PCSK2: variants seen among roughly 807,000 people sequenced by gnomAD.
PCSK2 encodes the protein neuroendocrine convertase 2.
In PCSK2, 14 loss-of-function variants were observed where a neutral mutation model predicts 69.7. That is an observed-to-expected ratio of 0.20 (90% CI 0.13 to 0.31). The LOEUF is 0.31. Ranked by LOEUF, PCSK2 falls within the 10% of genes least tolerant of loss-of-function variation. The probability of loss-of-function intolerance (pLI) is 1.00; values close to 1 mark genes in which losing one functional copy is unlikely to be tolerated. For synonymous variants in PCSK2, 307 were observed against 320.7 expected (o/e 0.96, Z 0.46); for missense variants, 544 against 842.5 (o/e 0.65, Z 4.39).
chr20:17,327,883 G>A (rs778324644), intron 2 of PCSK2, among the ~76,000 whole-genome samples: 2 of 152,104 alleles, frequency 1.3e-5, no homozygotes, highest in Non-Finnish European at 2.9e-5. Flanking sequence ...ATACAATTCA[G>A]TGCTTCCAAA....
At chr20:17,247,335 C>A (rs1383082016) in intron 1 of PCSK2, among the ~76,000 whole-genome samples, 1 of 152,210 alleles carries the variant, frequency 6.6e-6, no homozygotes, top group Non-Finnish European at 1.5e-5. Context: ...TGGTAAAATT[C>A]AGGTCCCCAA....
intron 6 of PCSK2, among the ~76,000 whole-genome samples, chr20:17,421,329 A>G (rs2032121280): frequency 6.6e-6 from 1 of 152,172 alleles, no homozygotes. Flanking sequence ...AGCTTTGCTC[A>G]TTCTCACCTG....
At chr20:17,451,701 G>T (rs2032825269) in intron 8 of PCSK2, among the ~76,000 whole-genome samples, 1 of 152,156 alleles carries the variant, frequency 6.6e-6, no homozygotes, top group African/African-American at 2.4e-5. Context: ...TAGTGCACAG[G>T]GCATAAATAC....
rs2031512554 is a variant in PCSK2, at chr20:17,396,431, C to T, written c.544-12832C>T. On this transcript the variant is annotated intron_variant, in intron 5 of 11. Coordinates refer to ENST00000262545, the MANE Select transcript of PCSK2 (RefSeq NM_002594.5). ...ATCCCTGTGTGATCACTGGCCTTAA[C>T]CTCTCATTAAGCTATCAAAGCTACC... 2.0e-5 allele frequency among the ~76,000 whole-genome samples: 3 copies of T among 152,178 alleles called. No individual in the cohort carries two copies. The South Asian group carries it at 6.2e-4, about 32-fold the overall frequency.
chr20:17,389,748 C>G (rs992497826), intron 5 of PCSK2, among the ~76,000 whole-genome samples: 10 of 152,142 alleles, frequency 6.6e-5, no homozygotes, highest in Admixed American at 2.0e-4. Context: ...TATGGAAAAT[C>G]CTATGGATAT....
intron 11 of PCSK2, chr20:17,479,540 C>T (rs1482898792): frequency 3.0e-6 from 1 of 328,546 alleles, no homozygotes; most frequent in Non-Finnish European, 5.9e-6. Context: ...TGGCTCACGC[C>T]TGTAATCTCA....
chr20:17,293,153 T>C (rs764867034), intron 2 of PCSK2, among the ~76,000 whole-genome samples: 7 of 152,202 alleles, frequency 4.6e-5, no homozygotes, highest in Non-Finnish European at 8.8e-5. Flanking sequence ...ACTTTATTGC[T>C]AATACATAGA....
intron 5 of PCSK2, among the ~76,000 whole-genome samples, chr20:17,403,828 C>T (rs2031696210): frequency 6.6e-6 from 1 of 152,220 alleles, no homozygotes; most frequent in Non-Finnish European, 1.5e-5. Context: ...AACATCTTGT[C>T]TTCTGTGGCA....
chr20:17,241,736 C>T (rs1986581128), intron 1 of PCSK2, among the ~76,000 whole-genome samples: 1 of 152,034 alleles, frequency 6.6e-6, no homozygotes, highest in South Asian at 2.1e-4. Flanking sequence ...CAGCTAAGAA[C>T]AAAACAATTA....
chr20:17,461,948 A>G (rs916025954), intron 10 of PCSK2, among the ~76,000 whole-genome samples: 1 of 152,232 alleles, frequency 6.6e-6, no homozygotes, highest in Admixed American at 6.5e-5. Context: ...ATTAAAAATT[A>G]AACATTAAAC....
chr20:17,391,430 T>C (rs915846584), intron 5 of PCSK2, among the ~76,000 whole-genome samples: 7 of 152,006 alleles, frequency 4.6e-5, no homozygotes, highest in African/African-American at 1.7e-4. Context: ...TTAATGAGAG[T>C]TGAGAGCCTA....
At position 17,482,170 on chromosome 20, in the gene PCSK2, A is replaced by C; in HGVS notation, c.*100A>C. 1 of 1,081,738 alleles carries C rather than the reference A, an allele frequency of 9.2e-7. No homozygotes were observed. Among genetic ancestry groups the C allele is most frequent in the Non-Finnish European group, 1.3e-6 (1 of 772,946 alleles). The allele number at this position is 1,081,738 out of a possible 1,614,324, so 67.0% of individuals were successfully genotyped here. ...CACCTAGCAATTCCATCACCCGTAC[A>C]GGCAATTCCGTCTTCTTAATCTGAA... On this transcript the variant is annotated 3_prime_UTR_variant, in exon 12 of 12. Transcript: ENST00000262545.
intron 2 of PCSK2, among the ~76,000 whole-genome samples, chr20:17,306,124 A>C (rs1299218374): frequency 6.6e-6 from 1 of 152,238 alleles, no homozygotes; most frequent in Non-Finnish European, 1.5e-5. Context: ...AAAGATGGAC[A>C]ATACAATCTT....
At chr20:17,361,544 A>G (rs1341577937) in intron 4 of PCSK2, among the ~76,000 whole-genome samples, 1 of 152,222 alleles carries the variant, frequency 6.6e-6, no homozygotes, top group Non-Finnish European at 1.5e-5. Context: ...TATTGACCCA[A>G]TTATATACAA....
chr20:17,261,235 C>A (rs150582749), intron 2 of PCSK2, among the ~76,000 whole-genome samples: 64 of 152,308 alleles, frequency 4.2e-4, no homozygotes, highest in Non-Finnish European at 6.9e-4. Context: ...TTGAAGGCAG[C>A]GTAACCTCTT....
chr20:17,264,096 G>C (rs1191548866), intron 2 of PCSK2, among the ~76,000 whole-genome samples: 3 of 152,068 alleles, frequency 2.0e-5, no homozygotes, highest in Non-Finnish European at 4.4e-5. Context: ...ATTTATTTAA[G>C]ATAATATTTG....
chr20:17,481,581 C>G lies in PCSK2; in HGVS notation c.1431-3C>G. On this transcript the variant is annotated splice_polypyrimidine_tract_variant and splice_region_variant and intron_variant, in intron 11 of 11. Transcript: ENST00000262545. The stretch of plus-strand genomic sequence containing the variant: ...TCCTATCTCCTCTTCACTCTGCCCT[C>G]AGGAAAATACCATCCACTGGCAAGT... The G allele has an allele frequency of 6.2e-7, 1 of 1,613,034 alleles. No homozygotes were observed. Among genetic ancestry groups the G allele is most frequent in the Non-Finnish European group, 8.5e-7 (1 of 1,179,360 alleles).
chr20:17,287,052 C>A (rs537994388), intron 2 of PCSK2, among the ~76,000 whole-genome samples: 2 of 152,128 alleles, frequency 1.3e-5, no homozygotes, highest in Non-Finnish European at 2.9e-5. Flanking sequence ...CTTCCTTAAG[C>A]GGACCATAGT....
At chr20:17,273,216 A>G (rs1268412152) in intron 2 of PCSK2, among the ~76,000 whole-genome samples, 7 of 152,174 alleles carry the variant, frequency 4.6e-5, no homozygotes, top group Non-Finnish European at 8.8e-5. Flanking sequence ...TATTCTCCAG[A>G]GCTGAAATAT....
Sources: allele counts gnomAD v4.1 joint callset (sites outside exome capture counted in the v4.1 genomes callset), GRCh38; gene constraint gnomAD v4.1.1; transcripts MANE v1.5; gene names NCBI Gene and HGNC (gene_info 2026-07-23, HGNC 2026-07-21).